UBE2E3: variants seen among roughly 807,000 people sequenced by gnomAD.
UBE2E3 encodes ubiquitin-conjugating enzyme E2 E3.
A neutral mutation model predicts 23.6 loss-of-function variants in UBE2E3; 5 were observed. The observed-to-expected ratio is 0.21, with a 90% CI of 0.11 to 0.44. UBE2E3 has a LOEUF of 0.44. UBE2E3 is among the 20% of genes least tolerant of loss of function. The pLI, the probability that UBE2E3 is intolerant of heterozygous loss-of-function variation, is 0.99. For missense variants in UBE2E3, 81 were observed against 249.8 expected, an observed-to-expected ratio of 0.32 and a Z score of 4.55; for synonymous variants, 78 against 87.5, an observed-to-expected ratio of 0.89 and a Z score of 0.60.
chr2:181,032,036 G>A (rs1008596510), intron 3 of UBE2E3, among the ~76,000 whole-genome samples: 1 of 152,128 alleles, frequency 6.6e-6, no homozygotes, highest in Non-Finnish European at 1.5e-5. Context: ...CTTCAGGGAG[G>A]TGCTCCATTA....
At chr2:181,035,604 C>T (rs1559129988) in intron 3 of UBE2E3, among the ~76,000 whole-genome samples, 1 of 152,096 alleles carries the variant, frequency 6.6e-6, no homozygotes, top group Non-Finnish European at 1.5e-5. Context: ...CAACCCATGA[C>T]CCGTGGGTCA....
intron 3 of UBE2E3, among the ~76,000 whole-genome samples, chr2:181,036,287 G>A (rs760533613): frequency 2.3e-4 from 35 of 152,184 alleles, no homozygotes; most frequent in African/African-American, 3.1e-4. Context: ...TTGATTTTCA[G>A]CAGAAATGCC....
At chr2:181,035,555 A>C (rs1404306300) in intron 3 of UBE2E3, among the ~76,000 whole-genome samples, 4 of 152,182 alleles carry the variant, frequency 2.6e-5, no homozygotes, top group Non-Finnish European at 4.4e-5. Context: ...TGCTAAGCTC[A>C]TTAGTAATAT....
chr2:181,000,567 T>C (rs1684961119), intron 3 of UBE2E3, among the ~76,000 whole-genome samples: 1 of 151,566 alleles, frequency 6.6e-6, no homozygotes, highest in African/African-American at 2.4e-5. Flanking sequence ...TTTTTTTTTT[T>C]TTTTTGAGAC....
chr2:181,010,038 A>C (rs1007077140), intron 3 of UBE2E3, among the ~76,000 whole-genome samples: 12 of 152,172 alleles, frequency 7.9e-5, no homozygotes, highest in Non-Finnish European at 1.6e-4. Context: ...GGTTGCAAGT[A>C]TGAACAGATT....
Position 180,993,719 on chromosome 2 carries a change from T to G in UBE2E3, c.245+9626T>G, listed in dbSNP as rs537845413. Among the ~76,000 whole-genome samples, 4 of 152,298 alleles carry G rather than the reference T, an allele frequency of 2.6e-5. 1 individual carries two copies. In the East Asian group the frequency reaches 7.7e-4, roughly 29 times the overall value. Reference sequence around the variant, plus strand: ...TTACAAATGGATCATTTTCTCACATTAAATTCTAGTAGGTCAAGAATCCAT... The same window carrying G: ...TTACAAATGGATCATTTTCTCACATGAAATTCTAGTAGGTCAAGAATCCAT... On this transcript the variant is annotated intron_variant, in intron 3 of 5. Coordinates refer to ENST00000410062, the MANE Select transcript of UBE2E3 (RefSeq NM_006357.4).
In UBE2E3 at chr2:181,061,164, G is replaced by A. The variant is rs1477727788; in HGVS notation, c.526+352G>A. On this transcript the variant is annotated intron_variant, in intron 5 of 5. Transcript: ENST00000410062. ...GGAGTCTCGCTCTGTCGCCCAGGCC[G>A]GACTGCGGACTGCAGTGGCGCAATC... Among the ~76,000 whole-genome samples the A allele has an allele frequency of 2.3e-3, 17 of 7,508 alleles. 5 individuals are homozygous for A. The highest frequency in any genetic ancestry group is 3.4e-3 in the Non-Finnish European group (17 of 4,968). 4.9% of individuals were successfully genotyped at this position (7,508 alleles called of 152,430 possible).
chr2:181,034,878 T>A (rs1686220191), intron 3 of UBE2E3, among the ~76,000 whole-genome samples: 1 of 152,140 alleles, frequency 6.6e-6, no homozygotes. Flanking sequence ...TTTGAAAAAT[T>A]TGAAGAATTT....
chr2:181,045,785 C>T lies in UBE2E3; in HGVS notation c.246-11908C>T, dbSNP rs78797516. 1.2e-4 allele frequency among the ~76,000 whole-genome samples: 19 copies of T among 152,214 alleles called. No individual in the cohort carries two copies. In the East Asian group the frequency reaches 3.7e-3, roughly 29 times the overall value. On this transcript the variant is annotated intron_variant, in intron 3 of 5. Coordinates refer to ENST00000410062, the MANE Select transcript of UBE2E3 (RefSeq NM_006357.4). ...ATTAGAATAACCTGGGAGATTTTCT[C>T]CACACTGTTCCCTCCCTTCCACTTC...
rs182651818 is a variant in UBE2E3 at position 180,980,846 on chromosome 2, G to C, written c.-153G>C. On this transcript the variant is annotated 5_prime_UTR_variant, in exon 1 of 6. Coordinates refer to ENST00000410062, the MANE Select transcript of UBE2E3 (RefSeq NM_006357.4). The surrounding 1 kb of genome is among the most constrained non-coding windows in gnomAD (Gnocchi z 5.5). ...CACACTCCCCGGCCAGAGCCTCCTCGGCTTCTTTTTTTCCCTCCCCCCCCT... is the reference window on the plus strand; with the variant it reads ...CACACTCCCCGGCCAGAGCCTCCTCCGCTTCTTTTTTTCCCTCCCCCCCCT... 4 of 149,384 alleles carry C rather than the reference G, an allele frequency of 2.7e-5. No homozygotes were observed. Among genetic ancestry groups the C allele is most frequent in the African/African-American group, 7.3e-5 (3 of 41,004 alleles). 9.3% of individuals were successfully genotyped at this position (149,384 alleles called of 1,614,324 possible). A position where few individuals can be genotyped will look rare whatever the true frequency, so the allele number is the denominator to read the frequency against.
chr2:181,031,418 A>G (rs541799685), intron 3 of UBE2E3, among the ~76,000 whole-genome samples: 4 of 152,196 alleles, frequency 2.6e-5, no homozygotes, highest in African/African-American at 9.6e-5. Context: ...AGGCTATTTT[A>G]TTATGTAGAG....
intron 3 of UBE2E3, among the ~76,000 whole-genome samples, chr2:181,045,307 C>G (rs1254437841): frequency 6.6e-6 from 1 of 152,160 alleles, no homozygotes; most frequent in Non-Finnish European, 1.5e-5. Context: ...CTGGCATGCC[C>G]CTGGCTGAGC....
intron 3 of UBE2E3, among the ~76,000 whole-genome samples, chr2:181,037,143 G>A (rs1213537695): frequency 3.9e-5 from 6 of 152,160 alleles, no homozygotes; most frequent in Admixed American, 3.9e-4. Flanking sequence ...GTCAGACAGT[G>A]CATTACTCAC....
At chr2:180,985,739 A>G (rs567419346) in intron 3 of UBE2E3, among the ~76,000 whole-genome samples, 12 of 152,288 alleles carry the variant, frequency 7.9e-5, no homozygotes, top group African/African-American at 1.4e-4. Flanking sequence ...AAATGTAAAG[A>G]TCTATCAATT....
intron 3 of UBE2E3, among the ~76,000 whole-genome samples, chr2:181,010,151 A>G (rs1685275804): frequency 6.6e-6 from 1 of 152,150 alleles, no homozygotes; most frequent in Non-Finnish European, 1.5e-5. Flanking sequence ...TCCTACCATA[A>G]TGGTGTAATA....
rs576915851 is a variant in UBE2E3, at chr2:180,994,747, G to A, written c.245+10654G>A. On this transcript the variant is annotated intron_variant, in intron 3 of 5. Coordinates refer to ENST00000410062, the MANE Select transcript of UBE2E3 (RefSeq NM_006357.4). Reference sequence around the variant, plus strand: ...TTTGAAAGAAACTTGCAGGTGAATGGTGTAGCCTAGAAATAGTGAAAATAT... The same window carrying A: ...TTTGAAAGAAACTTGCAGGTGAATGATGTAGCCTAGAAATAGTGAAAATAT... Among the ~76,000 whole-genome samples the A allele has an allele frequency of 6.6e-5, 10 of 152,252 alleles. No homozygotes were observed. The South Asian group carries it at 2.1e-3, about 32-fold the overall frequency.
intron 3 of UBE2E3, among the ~76,000 whole-genome samples, chr2:181,001,709 C>T (rs918048430): frequency 9.9e-5 from 15 of 152,026 alleles, no homozygotes; most frequent in South Asian, 4.1e-4. Flanking sequence ...GCTGGGATTT[C>T]GAAGGTGACA....
At chr2:181,030,772 T>C (rs1189321688) in intron 3 of UBE2E3, among the ~76,000 whole-genome samples, 1 of 152,092 alleles carries the variant, frequency 6.6e-6, no homozygotes, top group Admixed American at 6.6e-5. Flanking sequence ...CAGTATTCAC[T>C]TAGTCTGTTC....
At chr2:181,010,252 G>A (rs1685279987) in intron 3 of UBE2E3, among the ~76,000 whole-genome samples, 1 of 152,006 alleles carries the variant, frequency 6.6e-6, no homozygotes, top group South Asian at 2.1e-4. Context: ...AAATCAGTAG[G>A]CTTAATTTCA....
Sources: gnomAD v4.1 joint callset for allele counts (sites outside exome capture counted in the v4.1 genomes callset) on GRCh38, gnomAD v4.1.1 for gene constraint, Gnocchi (gnomAD v3.1) non-coding constraint, MANE v1.5 for transcripts, NCBI Gene and HGNC (gene_info 2026-07-23, HGNC 2026-07-21) for gene names.